RABGEF1: variants seen among roughly 807,000 people sequenced by gnomAD.
The protein encoded by RABGEF1 is RAB guanine nucleotide exchange factor 1.
In RABGEF1, 26 loss-of-function variants were observed where a neutral mutation model predicts 57.3. The observed-to-expected ratio is 0.45, with a 90% CI of 0.33 to 0.63. The LOEUF is 0.63. Ranked by LOEUF, RABGEF1 falls within the 20% of genes least tolerant of loss-of-function variation. The pLI, the probability that RABGEF1 is intolerant of heterozygous loss-of-function variation, is 0.02. For missense variants in RABGEF1, 464 were observed against 607.6 expected (o/e 0.76, Z 2.48); for synonymous variants, 185 against 210.7 (o/e 0.88, Z 1.06).
chr7:66,768,081 A>G (rs1435625862), intron 1 of RABGEF1, among the ~76,000 whole-genome samples: 1 of 152,204 alleles, frequency 6.6e-6, no homozygotes, highest in East Asian at 1.9e-4. Context: ...CCGTTTGCGT[A>G]TAGAATTTTG....
chr7:66,661,335 C>G, the RABGEF1 span, among the ~76,000 whole-genome samples: 2 of 145,108 alleles, frequency 1.4e-5, no homozygotes, highest in African/African-American at 2.6e-5. Flanking sequence ...GTTACTGTGA[C>G]TTTACAGCAA....
At chr7:66,758,695 G>GC (rs1803411719) in intron 1 of RABGEF1, among the ~76,000 whole-genome samples, 1 of 151,620 alleles carries the variant, frequency 6.6e-6, no homozygotes, top group African/African-American at 2.4e-5. Context: ...CGACTCTCCT[G>GC]CCTTCTACCG....
chr7:66,800,679 T>TA (rs998049930), intron 7 of RABGEF1, among the ~76,000 whole-genome samples: 1 of 152,212 alleles, frequency 6.6e-6, no homozygotes, highest in African/African-American at 2.4e-5. Flanking sequence ...TCCTGACTCT[T>TA]ACTAGAAAGT....
At chr7:66,665,200 A>G in the RABGEF1 span, 1 of 151,816 alleles carries the variant, frequency 6.6e-6, no homozygotes, top group Non-Finnish European at 1.5e-5. Context: ...ACTGGAGTGT[A>G]GTGGTGCAAT....
intron 1 of RABGEF1, among the ~76,000 whole-genome samples, chr7:66,770,996 A>G (rs1237257221): frequency 6.6e-6 from 1 of 151,502 alleles, no homozygotes; most frequent in Non-Finnish European, 1.5e-5. Context: ...TGTTGTTGTT[A>G]TTGAGTTGTA....
chr7:66,766,793 C>T (rs531308151), intron 1 of RABGEF1, among the ~76,000 whole-genome samples: 3 of 151,156 alleles, frequency 2.0e-5, no homozygotes, highest in Admixed American at 6.6e-5. Flanking sequence ...GGTGCGATCT[C>T]GGCTTACTGC....
chr7:66,740,730 C>G (rs550701775), upstream of RABGEF1: 1 of 152,666 alleles, frequency 6.6e-6, no homozygotes, highest in Non-Finnish European at 1.5e-5. Context: ...GGCCGCGGAG[C>G]CCAGACCTAC....
chr7:66,657,132 A>G, the RABGEF1 span, among the ~76,000 whole-genome samples: 1 of 152,232 alleles, frequency 6.6e-6, no homozygotes, highest in African/African-American at 2.4e-5. Context: ...GAACAACATG[A>G]TAATCCAATT....
rs143346284 is a variant in RABGEF1, at chr7:66,685,312, C to T, written c.-873+3054C>T. 1.3e-3 allele frequency among the ~76,000 whole-genome samples: 196 copies of T among 152,138 alleles called. 1 individual carries two copies. Among genetic ancestry groups the T allele is most frequent in the African/African-American group, 4.5e-3 (186 of 41,510 alleles). ...GGGAATATAGGCACTCGCCACCATGCCCAGCTAATTACTTCTGTCTTGTAT... is the reference window on the plus strand; with the variant it reads ...GGGAATATAGGCACTCGCCACCATGTCCAGCTAATTACTTCTGTCTTGTAT... On this transcript the variant is annotated intron_variant and NMD_transcript_variant, in intron 1 of 9. Transcript: ENST00000607882.
At chr7:66,731,703 A>G (rs1029774808) in intron 2 of RABGEF1, among the ~76,000 whole-genome samples, 1 of 152,122 alleles carries the variant, frequency 6.6e-6, no homozygotes, top group African/African-American at 2.4e-5. Flanking sequence ...GGTGACAGAG[A>G]GCGAGACCTT....
chr7:66,802,866 T>G (rs1787604873), intron 7 of RABGEF1, among the ~76,000 whole-genome samples: 1 of 151,920 alleles, frequency 6.6e-6, no homozygotes, highest in Non-Finnish European at 1.5e-5. Flanking sequence ...TTTCAAAATG[T>G]CAACAGTAAA....
chr7:66,803,758 G>A (rs1308452263), intron 7 of RABGEF1, among the ~76,000 whole-genome samples: 4 of 151,974 alleles, frequency 2.6e-5, no homozygotes, highest in African/African-American at 7.3e-5. Context: ...GCGTGGTGGT[G>A]CGTGCCTGTA....
At chr7:66,802,802 T>G (rs1381379221) in intron 7 of RABGEF1, among the ~76,000 whole-genome samples, 2 of 152,240 alleles carry the variant, frequency 1.3e-5, no homozygotes, top group Non-Finnish European at 2.9e-5. Context: ...CAGCCCTGCC[T>G]TATGGCAATA....
chr7:66,711,134 C>T (rs764795487), intron 1 of RABGEF1, among the ~76,000 whole-genome samples: 2 of 152,168 alleles, frequency 1.3e-5, no homozygotes, highest in Admixed American at 1.3e-4. Flanking sequence ...CACTCCAGCC[C>T]GGTTGACAGA....
intron 4 of RABGEF1, among the ~76,000 whole-genome samples, chr7:66,794,053 G>GA (rs1360430831): frequency 1.3e-5 from 2 of 152,056 alleles, no homozygotes; most frequent in Non-Finnish European, 2.9e-5. Context: ...TTTGAACCCT[G>GA]AATTACATAA....
chr7:66,752,689 C>T (rs1461429233), intron 1 of RABGEF1, among the ~76,000 whole-genome samples: 1 of 152,180 alleles, frequency 6.6e-6, no homozygotes, highest in African/African-American at 2.4e-5. Flanking sequence ...TTGTTAAATT[C>T]GAATTCTCAG....
chr7:66,702,347 T>TTGTGTGTGTGTGTGTG (rs58655312), intron 1 of RABGEF1, among the ~76,000 whole-genome samples: 1 of 143,888 alleles, frequency 6.9e-6, no homozygotes, highest in African/African-American at 2.6e-5. Flanking sequence ...ATTGTTTTGT[T>TTGTGTGTGTGTGTGTG]TGTGTGTGTG....
chr7:66,799,948 A>G (rs2129180458), intron 7 of RABGEF1, among the ~76,000 whole-genome samples: 1 of 152,306 alleles, frequency 6.6e-6, no homozygotes, highest in Non-Finnish European at 1.5e-5. Flanking sequence ...CTGCCGTTCT[A>G]GACAGGTCCA....
At chr7:66,759,398 T>C (rs945548124) in intron 1 of RABGEF1, among the ~76,000 whole-genome samples, 1 of 152,222 alleles carries the variant, frequency 6.6e-6, no homozygotes, top group African/African-American at 2.4e-5. Context: ...CCGTAAACTC[T>C]AGCAACATGT....
Sources: allele counts gnomAD v4.1 joint callset (sites outside exome capture counted in the v4.1 genomes callset), GRCh38; gene constraint gnomAD v4.1.1; transcripts MANE v1.5; gene names NCBI Gene and HGNC (gene_info 2026-07-23, HGNC 2026-07-21).